The following ORAI2 variants were observed in gnomAD, a reference collection of about 807,000 sequenced individuals.
ORAI2 encodes the protein protein orai-2.
A neutral mutation model predicts 16.2 loss-of-function variants in ORAI2; 10 were observed. The observed-to-expected ratio is 0.62, with a 90% CI of 0.38 to 1.04. The LOEUF (loss-of-function observed/expected upper bound fraction) is 1.04, where lower values mean the gene tolerates loss of function less well. Ranked by LOEUF, ORAI2 falls within the 50% of genes least tolerant of loss-of-function variation. The pLI is 0.01. For missense variants in ORAI2, 238 were observed against 355.5 expected, an observed-to-expected ratio of 0.67 and a Z score of 2.66; for synonymous variants, 150 against 157.5, an observed-to-expected ratio of 0.95 and a Z score of 0.35.
intron 3 of ORAI2, among the ~76,000 whole-genome samples, chr7:102,440,852 T>G (rs1797180265): frequency 6.6e-6 from 1 of 151,578 alleles, no homozygotes; most frequent in Non-Finnish European, 1.5e-5. Flanking sequence ...TTGTCCAGCC[T>G]GTTTCCTTAT....
intron 3 of ORAI2, among the ~76,000 whole-genome samples, chr7:102,442,197 C>G (rs1797224936): frequency 1.3e-5 from 2 of 152,002 alleles, no homozygotes; most frequent in African/African-American, 2.4e-5. Flanking sequence ...GGGCGGATCA[C>G]TTGAGGTCAG....
In ORAI2 at chr7:102,448,096, G is replaced by T. The variant is rs1451820455; in HGVS notation, c.*1044G>T. 6.6e-6 allele frequency: 1 copy of T among 152,360 alleles called. No homozygotes were observed. The highest frequency in any genetic ancestry group is 2.4e-5 in the African/African-American group (1 of 41,480). 9.4% of individuals were successfully genotyped at this position (152,360 alleles called of 1,614,324 possible). ...CAAGGTCATTGGCCGGGCCTGGCCT[G>T]TGGATAGTGGGGCCAGGGGCCGGCC... On this transcript the variant is annotated 3_prime_UTR_variant, in exon 4 of 4. Transcript: ENST00000495936.
At chr7:102,443,523 T>G (rs1015045850) in intron 3 of ORAI2, among the ~76,000 whole-genome samples, 21 of 151,888 alleles carry the variant, frequency 1.4e-4, no homozygotes, top group African/African-American at 5.1e-4. Context: ...GCCTCTGTGG[T>G]TTGTAATATT....
In ORAI2 at chr7:102,439,172, C is replaced by G. The variant is rs1438247294; in HGVS notation, c.216C>G (p.Gly72=). The G allele has an allele frequency of 1.2e-5, 20 of 1,613,540 alleles. No individual in the cohort carries two copies. The highest frequency in any genetic ancestry group is 1.7e-5 in the Non-Finnish European group (20 of 1,179,920). Residue 72 remains glycine (G), a synonymous_variant, in exon 3 of 4, where the codon GGC becomes GGG. Coordinates refer to ENST00000495936, the MANE Select transcript of ORAI2 (RefSeq NM_001126340.3). Reference sequence around the variant, plus strand: ...GCAGGACCTCCGCCCTCCTCTCCGGCTTTGCCATGGTGAGTGTGGGCGCCA... The same window carrying G: ...GCAGGACCTCCGCCCTCCTCTCCGGGTTTGCCATGGTGAGTGTGGGCGCCA... ...ASSRTSALLS[G]FAMVAMVEVQ...
At chr7:102,443,284 T>TC (rs1419021177) in intron 3 of ORAI2, among the ~76,000 whole-genome samples, 1 of 148,464 alleles carries the variant, frequency 6.7e-6, no homozygotes, top group Non-Finnish European at 1.5e-5. Context: ...CTTTTTTTTT[T>TC]TTTTTTTTGA....
chr7:102,446,714 C>T lies in ORAI2; in HGVS notation c.427C>T (p.His143Tyr). 1 of 1,614,228 alleles carries T rather than the reference C, an allele frequency of 6.2e-7. No homozygotes were observed. Among genetic ancestry groups the T allele is most frequent in the Non-Finnish European group, 8.5e-7 (1 of 1,180,042 alleles). Reference protein sequence around the residue: ...SISESPHERMHPYIELAWGFS... With the variant: ...SISESPHERMYPYIELAWGFS... ...CAGCGAGTCCCCGCATGAGCGCATG[C>T]ACCCCTACATCGAGCTGGCCTGGGG... is the stretch of plus-strand genomic sequence containing the variant. Residue 143 changes from histidine to tyrosine, a missense_variant, in exon 4 of 4, where the codon CAC becomes TAC. Coordinates refer to ENST00000495936, the MANE Select transcript of ORAI2 (RefSeq NM_001126340.3).
At chr7:102,445,571 C>T (rs1797328979) in intron 3 of ORAI2, among the ~76,000 whole-genome samples, 1 of 152,168 alleles carries the variant, frequency 6.6e-6, no homozygotes, top group Non-Finnish European at 1.5e-5. Context: ...CCACCTCAGT[C>T]TCCTCAGTAG....
chr7:102,446,971 G>A lies in ORAI2; in HGVS notation c.684G>A (p.Glu228=), dbSNP rs768247494. 3.1e-6 allele frequency: 5 copies of A among 1,609,106 alleles called. No individual in the cohort carries two copies. The East Asian group carries it at 6.7e-5, about 22-fold the overall frequency. Residue 228 remains glutamate (E), a synonymous_variant, in exon 4 of 4, where the codon GAG becomes GAA. Transcript: ENST00000495936. ...GCTCCCTGGTGCGCCACAAAACGGA[G>A]CGCCACAACCGCGAGATCGAGGAGC... The part of the protein sequence containing the change: ...FYRSLVRHKT[E]RHNREIEELH...
In ORAI2 at chr7:102,455,918, G is replaced by C. The variant is rs1163281493; in HGVS notation, c.*8866G>C. On this transcript the variant is annotated 3_prime_UTR_variant, in exon 4 of 4. Transcript: ENST00000495936. Reference sequence around the variant, plus strand: ...CTGGGAGCTCAGTGGCTGGGATGCTGCTTTACAGACAGTGCACGGCTCTGC... The same window carrying C: ...CTGGGAGCTCAGTGGCTGGGATGCTCCTTTACAGACAGTGCACGGCTCTGC... 1.3e-5 allele frequency: 2 copies of C among 152,344 alleles called. No homozygotes were observed. The highest frequency in any genetic ancestry group is 2.9e-5 in the Non-Finnish European group (2 of 68,122). The allele number at this position is 152,344 out of a possible 1,614,324, so 9.4% of individuals were successfully genotyped here.
At chr7:102,445,482 C>T (rs539432548) in intron 3 of ORAI2, among the ~76,000 whole-genome samples, 2 of 151,924 alleles carry the variant, frequency 1.3e-5, no homozygotes, top group African/African-American at 4.8e-5. Flanking sequence ...CGAGGTCTCA[C>T]TCTGTCACCC....
intron 2 of ORAI2, 55 bp from the exon 3 acceptor site, chr7:102,438,889 T>C: frequency 6.5e-7 from 1 of 1,544,398 alleles, no homozygotes; most frequent in Non-Finnish European, 8.9e-7. Context: ...GGAGTCTAGC[T>C]CTTCCAGGCC....
At chr7:102,440,449 G>T (rs1052166266) in intron 3 of ORAI2, among the ~76,000 whole-genome samples, 4 of 152,216 alleles carry the variant, frequency 2.6e-5, no homozygotes, top group African/African-American at 7.2e-5. Context: ...CACCCCTGGA[G>T]GGAATTGTCC....
At chr7:102,434,414 C>T (rs1172800392) in intron 1 of ORAI2, among the ~76,000 whole-genome samples, 5 of 152,202 alleles carry the variant, frequency 3.3e-5, no homozygotes, top group African/African-American at 4.8e-5. Context: ...ATCGTTTCCT[C>T]CACAATCCCA....
intron 3 of ORAI2, among the ~76,000 whole-genome samples, chr7:102,443,324 G>C (rs1797266386): frequency 6.8e-6 from 1 of 147,948 alleles, no homozygotes; most frequent in South Asian, 2.2e-4. Context: ...TGTCGCCCAG[G>C]CTGGAGTGCA....
At position 102,450,372 on chromosome 7, in the gene ORAI2, GC is replaced by G. The variant is rs1243699621; in HGVS notation, c.*3322del. 2.6e-5 allele frequency: 4 copies of G among 152,546 alleles called. No individual in the cohort carries two copies. The highest frequency in any genetic ancestry group is 9.6e-5 in the African/African-American group (4 of 41,596). 9.4% of individuals were successfully genotyped at this position (152,546 alleles called of 1,614,324 possible). On this transcript the variant is annotated 3_prime_UTR_variant, in exon 4 of 4. Coordinates refer to ENST00000495936, the MANE Select transcript of ORAI2 (RefSeq NM_001126340.3). Reference sequence around the variant, plus strand: ...AGTCTTTTGGGAGGGGCCCTGCTGGGCCTTCTCCTGCCACCTACCTTCCTGG... The same window carrying G: ...AGTCTTTTGGGAGGGGCCCTGCTGGGCTTCTCCTGCCACCTACCTTCCTGG...
At chr7:102,439,281 G>A in intron 3 of ORAI2, 100 bp downstream of exon 3, 1 of 1,001,786 alleles carries the variant, frequency 1.0e-6, no homozygotes, top group Non-Finnish European at 1.5e-6. Context: ...TCCAGTCTCT[G>A]GCAGCCAGGA....
At position 102,442,796 on chromosome 7, in the gene ORAI2, G is replaced by A. The variant is rs868197242; in HGVS notation, c.225+3615G>A. 4.0e-5 allele frequency among the ~76,000 whole-genome samples: 6 copies of A among 151,548 alleles called. No homozygotes were observed. In the South Asian group the frequency reaches 1.0e-3, roughly 26 times the overall value. ...ACTTGAATCCGGAAAGGGGAAGTTG[G>A]AGTGAGCCGAGAACATGCCACTGCA... On this transcript the variant is annotated intron_variant, in intron 3 of 3. Coordinates refer to ENST00000495936, the MANE Select transcript of ORAI2 (RefSeq NM_001126340.3).
In ORAI2 at chr7:102,450,604, T is replaced by G. The variant is rs1265334958; in HGVS notation, c.*3552T>G. ...AAGTCTAGCCCTCTGATTAGGAGGA[T>G]GACAGTCTTGGAATTTCTTGTTCTC... On this transcript the variant is annotated 3_prime_UTR_variant, in exon 4 of 4. Coordinates refer to ENST00000495936, the MANE Select transcript of ORAI2 (RefSeq NM_001126340.3). The G allele has an allele frequency of 6.6e-6, 1 of 152,294 alleles. No individual in the cohort carries two copies. The highest frequency in any genetic ancestry group is 1.5e-5 in the Non-Finnish European group (1 of 68,072). The allele number at this position is 152,294 out of a possible 1,614,324, so 9.4% of individuals were successfully genotyped here.
Position 102,447,002 on chromosome 7 carries a change from A to T in ORAI2, c.715A>T (p.Lys239Ter). 1 of 1,581,920 alleles carries T rather than the reference A, an allele frequency of 6.3e-7. No homozygotes were observed. The change falls in exon 4 of 4, where the codon AAG (lysine) becomes TAG (stop). Residue 239 changes from lysine (K) to a stop codon, truncating the protein, a stop_gained. Coordinates refer to ENST00000495936, the MANE Select transcript of ORAI2 (RefSeq NM_001126340.3). LOFTEE classifies it high-confidence loss of function. ...RHNREIEELH[K>*]LKVQLDGHER... The stretch of plus-strand genomic sequence containing the variant: ...CAACCGCGAGATCGAGGAGCTCCAC[A>T]AGCTCAAGGTCCAGCTGGACGGGCA...
Sources: allele counts gnomAD v4.1 joint callset (sites outside exome capture counted in the v4.1 genomes callset), GRCh38; gene constraint gnomAD v4.1.1; transcripts MANE v1.5; gene names NCBI Gene and HGNC (gene_info 2026-07-23, HGNC 2026-07-21).